The following SEMA6A variants were observed in gnomAD, a reference collection of about 807,000 sequenced individuals.
SEMA6A encodes the protein semaphorin 6A, also known as semaphorin-6A.
Under a neutral mutation model 96.8 loss-of-function variants are expected in SEMA6A, and 25 were observed. That is an observed-to-expected ratio of 0.26 (90% confidence interval 0.19 to 0.36). SEMA6A has a LOEUF of 0.36. Ranked by LOEUF, SEMA6A falls within the 10% of genes least tolerant of loss-of-function variation. The pLI, the probability that SEMA6A is intolerant of heterozygous loss-of-function variation, is 1.00. For synonymous variants in SEMA6A, 612 were observed against 518.0 expected, an observed-to-expected ratio of 1.18 and a Z score of -2.46; for missense variants, 1,363 against 1,323.1, an observed-to-expected ratio of 1.03 and a Z score of -0.47.
chr5:116,447,762 G>A lies in SEMA6A; in HGVS notation c.1944C>T (p.Val648=), dbSNP rs35082809. The A allele has an allele frequency of 9.6e-4, 1,553 of 1,611,432 alleles. 15 individuals carry two copies. In the African/African-American group the frequency reaches 0.018, roughly 19 times the overall value. ...YLKGHDQLVP[V]TLLAIAVILA... is the part of the protein sequence containing the mutation. ...GGATGACTGCAATGGCCAAGAGGGT[G>A]ACGGGAACCAGCTGGTCGTGGCCTT... The change falls in exon 19 of 19, where the codon GTC becomes GTT. Residue 648 remains valine, a synonymous_variant. Transcript: ENST00000343348.
At chr5:116,476,768 T>C (rs981414116) in intron 15 of SEMA6A, among the ~76,000 whole-genome samples, 1 of 152,218 alleles carries the variant, frequency 6.6e-6, no homozygotes, top group Non-Finnish European at 1.5e-5. Context: ...CTCCTCCACC[T>C]TGAGGGTTCC....
At chr5:116,462,301 T>C (rs991220888) in intron 18 of SEMA6A, among the ~76,000 whole-genome samples, 7 of 152,112 alleles carry the variant, frequency 4.6e-5, no homozygotes, top group Non-Finnish European at 8.8e-5. Flanking sequence ...TAGGTAAAGT[T>C]TGAACGGGAG....
At chr5:116,524,110 G>A (rs1474322841) in intron 1 of SEMA6A, among the ~76,000 whole-genome samples, 5 of 152,144 alleles carry the variant, frequency 3.3e-5, no homozygotes, top group Non-Finnish European at 7.4e-5. Flanking sequence ...AGCATGGGGC[G>A]TGCAAAGTAT....
intron 1 of SEMA6A, among the ~76,000 whole-genome samples, chr5:116,554,240 C>T (rs1760523208): frequency 1.3e-5 from 2 of 152,024 alleles, no homozygotes; most frequent in South Asian, 4.1e-4. Flanking sequence ...GAGTTTGTTC[C>T]CAACTTGCAA....
rs1358765135 is a variant in SEMA6A, at chr5:116,445,568, T to G, written c.*1045A>C. On this transcript the variant is annotated 3_prime_UTR_variant, in exon 19 of 19. Transcript: ENST00000343348. Reference sequence around the variant, plus strand: ...CATTCTAAAAGCTTTCTCTCCTGATTGCTTTAGAAATTAGGATCTGGAAGG... The same window carrying G: ...CATTCTAAAAGCTTTCTCTCCTGATGGCTTTAGAAATTAGGATCTGGAAGG... The G allele has an allele frequency of 6.6e-6, 1 of 152,542 alleles. No individual in the cohort carries two copies. Among genetic ancestry groups the G allele is most frequent in the Non-Finnish European group, 1.5e-5 (1 of 68,032 alleles). 9.4% of individuals were successfully genotyped at this position (152,542 alleles called of 1,614,324 possible).
At chr5:116,570,217 C>G (rs1761153785) in intron 1 of SEMA6A, among the ~76,000 whole-genome samples, 1 of 152,206 alleles carries the variant, frequency 6.6e-6, no homozygotes, top group South Asian at 2.1e-4. Flanking sequence ...CAAGAGGCAA[C>G]CATGTGGTCG....
intron 15 of SEMA6A, 123 bp from the exon 16 acceptor site, chr5:116,475,726 A>C: frequency 1.6e-6 from 1 of 611,516 alleles, no homozygotes; most frequent in Non-Finnish European, 2.8e-6. Context: ...GGTGCAAAAA[A>C]GAAATACATA....
intron 13 of SEMA6A, 188 bp downstream of exon 13, chr5:116,478,354 A>C: frequency 1.3e-6 from 1 of 765,548 alleles, no homozygotes; most frequent in Non-Finnish European, 2.1e-6. Flanking sequence ...ATATGTATCT[A>C]TATAAACACA....
intron 1 of SEMA6A, among the ~76,000 whole-genome samples, chr5:116,527,886 A>G (rs1420492908): frequency 6.6e-6 from 1 of 152,222 alleles, no homozygotes; most frequent in Non-Finnish European, 1.5e-5. Flanking sequence ...TATTTTAATA[A>G]CACTCAAATC....
intron 1 of SEMA6A, among the ~76,000 whole-genome samples, chr5:116,555,833 G>A (rs1193456911): frequency 6.6e-6 from 1 of 152,078 alleles, no homozygotes; most frequent in Non-Finnish European, 1.5e-5. Flanking sequence ...GTCTCTAAAA[G>A]ATAAATACAT....
chr5:116,556,471 T>G (rs1760610988), intron 1 of SEMA6A, among the ~76,000 whole-genome samples: 1 of 152,238 alleles, frequency 6.6e-6, no homozygotes, highest in South Asian at 2.1e-4. Context: ...TGAGTGTTTA[T>G]GTACCAGACA....
intron 1 of SEMA6A, among the ~76,000 whole-genome samples, chr5:116,542,841 TGCTTCACTTCCCCGGCCTG>T (rs1336351591): frequency 6.6e-6 from 1 of 152,218 alleles, no homozygotes; most frequent in Non-Finnish European, 1.5e-5. Flanking sequence ...CTATTCTGTT[TGCTTCACTTCCCCGGCCTG>T]GCAATCACTT....
chr5:116,495,464 T>C lies in SEMA6A; in HGVS notation c.393A>G (p.Ala131=). The change falls in exon 6 of 19, where the codon GCA becomes GCG. Residue 131 remains alanine, a synonymous_variant. Coordinates refer to ENST00000343348, the MANE Select transcript of SEMA6A (RefSeq NM_020796.5). ...IKVLLKKNDD[A]LFVCGTNAFN... ...AGGCATTAGTTCCACAGACAAACAATGCATCATCGTTTTTCTTTAGAAGAA... is the reference window on the plus strand; with the variant it reads ...AGGCATTAGTTCCACAGACAAACAACGCATCATCGTTTTTCTTTAGAAGAA... 6.2e-7 allele frequency: 1 copy of C among 1,610,276 alleles called. No homozygotes were observed. The highest frequency in any genetic ancestry group is 8.5e-7 in the Non-Finnish European group (1 of 1,178,306).
At chr5:116,554,036 T>C (rs1323884406) in intron 1 of SEMA6A, among the ~76,000 whole-genome samples, 6 of 152,062 alleles carry the variant, frequency 3.9e-5, no homozygotes, top group Non-Finnish European at 7.4e-5. Flanking sequence ...TAGGTAATGA[T>C]AGGAGGAGGG....
At chr5:116,540,525 A>C (rs1759912927) in intron 1 of SEMA6A, among the ~76,000 whole-genome samples, 1 of 152,178 alleles carries the variant, frequency 6.6e-6, no homozygotes, top group African/African-American at 2.4e-5. Context: ...CATACTGTGA[A>C]GTCTAGAAGA....
chr5:116,464,573 GAAGGA>G (rs1368658626), intron 18 of SEMA6A, among the ~76,000 whole-genome samples: 1 of 152,152 alleles, frequency 6.6e-6, no homozygotes, highest in African/African-American at 2.4e-5. Context: ...TCACGGTGTA[GAAGGA>G]AAGAGCCTTG....
rs7701829 is a variant in SEMA6A, at chr5:116,531,060, T to C, written c.-38-26078A>G. ...ACCTGGGACAAACTGGCTCTGAAGC[T>C]CACATTCTTAAGTACTATGTGTATT... On this transcript the variant is annotated intron_variant, in intron 1 of 18. Transcript: ENST00000343348. 6.1e-3 allele frequency among the ~76,000 whole-genome samples: 922 copies of C among 152,280 alleles called. 16 individuals are homozygous for C. The highest frequency in any genetic ancestry group is 0.021 in the African/African-American group (874 of 41,548).
intron 1 of SEMA6A, among the ~76,000 whole-genome samples, chr5:116,516,761 A>T (rs7700753): frequency 0.12 from 18,523 of 152,186 alleles, 1,338 homozygotes; most frequent in East Asian, 0.27. Context: ...ATCCCCAAAC[A>T]TCCTGAAAAT....
chr5:116,463,167 GA>G (rs1755524138), intron 18 of SEMA6A, among the ~76,000 whole-genome samples: 1 of 152,126 alleles, frequency 6.6e-6, no homozygotes, highest in Admixed American at 6.6e-5. Flanking sequence ...TTGTTAATGA[GA>G]AAACACCAAA....
Sources: gnomAD v4.1 joint callset for allele counts (sites outside exome capture counted in the v4.1 genomes callset) on GRCh38, gnomAD v4.1.1 for gene constraint, MANE v1.5 for transcripts, NCBI Gene and HGNC (gene_info 2026-07-23, HGNC 2026-07-21) for gene names.